Variants in CARS1 observed in about 807,000 individuals in gnomAD.
CARS1 encodes the protein cysteine--tRNA ligase, cytoplasmic.
A neutral mutation model predicts 106.2 loss-of-function variants in CARS1; 48 were observed. The observed-to-expected ratio is 0.45, with a 90% confidence interval of 0.36 to 0.57. CARS1 has a LOEUF of 0.57. CARS1 is among the 20% of genes least tolerant of loss of function. CARS1 has a pLI of 0.00. For missense variants in CARS1, 968 were observed against 1,057.2 expected (o/e 0.92, Z 1.17); for synonymous variants, 409 against 403.4 (o/e 1.01, Z -0.17).
chr11:3,032,545 A>G (rs966653764), intron 7 of CARS1, among the ~76,000 whole-genome samples: 1 of 152,144 alleles, frequency 6.6e-6, no homozygotes, highest in Non-Finnish European at 1.5e-5. Flanking sequence ...CCTGCTAGAG[A>G]ACTGACTGGT....
At position 3,041,022 on chromosome 11, in the gene CARS1, G is replaced by A; in HGVS notation, c.367-38C>T. 1 of 1,613,946 alleles carries A rather than the reference G, an allele frequency of 6.2e-7. No homozygotes were observed. Among genetic ancestry groups the A allele is most frequent in the Non-Finnish European group, 8.5e-7 (1 of 1,179,908 alleles). On this transcript the variant is annotated intron_variant, in intron 3 of 22. Coordinates refer to ENST00000380525, the MANE Select transcript of CARS1 (RefSeq NM_001014437.3). The surrounding 1 kb of genome is among the most constrained non-coding windows in gnomAD (Gnocchi z 4.9). ...TGAAGGAATGACGATCACAAGAAAT[G>A]CAAGAAACACTGCACAGGATTACCA...
In CARS1 at chr11:3,003,340, T is replaced by G. The variant is rs907100056; in HGVS notation, c.2218-740A>C. 6.6e-6 allele frequency among the ~76,000 whole-genome samples: 1 copy of G among 152,182 alleles called. No individual in the cohort carries two copies. The highest frequency in any genetic ancestry group is 1.5e-5 in the Non-Finnish European group (1 of 68,032). On this transcript the variant is annotated intron_variant, in intron 20 of 22. Transcript: ENST00000380525. This position sits in a 1 kb window ranked among gnomAD's most constrained non-coding sequence, Gnocchi z 4.8. ...AGGTTTCAGATGCTTCCCAGCCCAGTGGAGCTATCAGGTAGGCACGCCCTC... is the reference window on the plus strand; with the variant it reads ...AGGTTTCAGATGCTTCCCAGCCCAGGGGAGCTATCAGGTAGGCACGCCCTC...
chr11:3,055,278 A>AG (rs1197669300), intron 1 of CARS1, among the ~76,000 whole-genome samples: 2 of 152,112 alleles, frequency 1.3e-5, no homozygotes, highest in East Asian at 3.9e-4. Context: ...CTCCGGCCTC[A>AG]GCCTCCGAGT....
At position 3,003,971 on chromosome 11, in the gene CARS1, T is replaced by G. The variant is rs998592235; in HGVS notation, c.2218-1371A>C. ...GCCAGCACAAAGAGTGCAAGGCCTGTGAGGCTCTGGCCGGGCCACCCTGGC... is the reference window on the plus strand; with the variant it reads ...GCCAGCACAAAGAGTGCAAGGCCTGGGAGGCTCTGGCCGGGCCACCCTGGC... On this transcript the variant is annotated intron_variant, in intron 20 of 22. Transcript: ENST00000380525. This position sits in a 1 kb window ranked among gnomAD's most constrained non-coding sequence, Gnocchi z 4.8. Among the ~76,000 whole-genome samples the G allele has an allele frequency of 3.3e-5, 5 of 152,202 alleles. No homozygotes were observed. The highest frequency in any genetic ancestry group is 1.2e-4 in the African/African-American group (5 of 41,444).
chr11:3,019,051 C>T lies in CARS1; in HGVS notation c.1395+88G>A. 2 of 1,399,262 alleles carry T rather than the reference C, an allele frequency of 1.4e-6. No individual in the cohort carries two copies. The highest frequency in any genetic ancestry group is 2.4e-5 in the East Asian group (1 of 42,358). 86.7% of individuals were successfully genotyped at this position (1,399,262 alleles called of 1,614,324 possible). A position where few individuals can be genotyped will look rare whatever the true frequency, so the allele number is the denominator to read the frequency against. On this transcript the variant is annotated intron_variant, in intron 12 of 22. Coordinates refer to ENST00000380525, the MANE Select transcript of CARS1 (RefSeq NM_001014437.3). This position sits in a 1 kb window ranked among gnomAD's most constrained non-coding sequence, Gnocchi z 6.2. ...AGGTGTCAAGTTCTAGTGAGAGAGG[C>T]CCTTCTGAGGCCTGGGCTGACTTTT...
intron 17 of CARS1, among the ~76,000 whole-genome samples, chr11:3,013,136 C>A (rs1008607038): frequency 6.6e-6 from 1 of 151,666 alleles, no homozygotes; most frequent in Non-Finnish European, 1.5e-5. Flanking sequence ...GATCTGCCCG[C>A]CTTGGCCTCC....
rs1200608637 is a variant in CARS1, at chr11:3,045,802, G to C, written c.274+1951C>G. Among the ~76,000 whole-genome samples the C allele has an allele frequency of 6.6e-6, 1 of 152,220 alleles. No individual in the cohort carries two copies. Among genetic ancestry groups the C allele is most frequent in the African/African-American group, 2.4e-5 (1 of 41,460 alleles). ...GAAAGAGAGGGCGTTCCCACTCAGT[G>C]GGGGAAGCAGCTCTGATTGTCACAG... On this transcript the variant is annotated intron_variant, in intron 2 of 22. Transcript: ENST00000380525. This position sits in a 1 kb window ranked among gnomAD's most constrained non-coding sequence, Gnocchi z 5.6.
Position 3,039,584 on chromosome 11 carries a change from TC to T in CARS1, c.552+250del, listed in dbSNP as rs1161313928. On this transcript the variant is annotated intron_variant, in intron 5 of 22. Transcript: ENST00000380525. The surrounding 1 kb of genome is among the most constrained non-coding windows in gnomAD (Gnocchi z 5.6). Reference sequence around the variant, plus strand: ...TCGAAGTGCGTGCTGTGGGAGGCCTTCCTTCTGCAAAACACCCAGGGCTACC... The same window carrying T: ...TCGAAGTGCGTGCTGTGGGAGGCCTTCTTCTGCAAAACACCCAGGGCTACC... Among the ~76,000 whole-genome samples, 2 of 152,302 alleles carry T rather than the reference TC, an allele frequency of 1.3e-5. No homozygotes were observed. Among genetic ancestry groups the T allele is most frequent in the East Asian group, 3.9e-4 (2 of 5,180 alleles).
rs149798678 is a variant in CARS1, at chr11:3,019,391, C to T, written c.1267-124G>A. 77 of 1,113,086 alleles carry T rather than the reference C, an allele frequency of 6.9e-5. No individual in the cohort carries two copies. In the East Asian group the frequency reaches 1.3e-3, roughly 19 times the overall value. The allele number at this position is 1,113,086 out of a possible 1,614,324, so 69.0% of individuals were successfully genotyped here. On this transcript the variant is annotated intron_variant, in intron 11 of 22. Transcript: ENST00000380525. This position sits in a 1 kb window ranked among gnomAD's most constrained non-coding sequence, Gnocchi z 6.2. ...CTTTATTGGAACAAGCGTTAAATCC[C>T]GCACATGAAAAGACTAAGGGAAGGC...
intron 10 of CARS1, 52 bp downstream of exon 10, chr11:3,026,624 C>G (rs1392041998): frequency 3.7e-6 from 6 of 1,600,016 alleles, no homozygotes. Flanking sequence ...CAACACAACC[C>G]AGGCTGGGCC....
Position 3,028,758 on chromosome 11 carries a change from A to G in CARS1, c.1031+238T>C. 1.9e-6 allele frequency: 1 copy of G among 526,902 alleles called. No individual in the cohort carries two copies. Among genetic ancestry groups the G allele is most frequent in the Non-Finnish European group, 3.3e-6 (1 of 298,804 alleles). The allele number at this position is 526,902 out of a possible 1,614,324, so 32.6% of individuals were successfully genotyped here. On this transcript the variant is annotated intron_variant, in intron 9 of 22. Transcript: ENST00000380525. This position sits in a 1 kb window ranked among gnomAD's most constrained non-coding sequence, Gnocchi z 4.4. ...CCATGACTGATGGTCTTGGCTGCCG[A>G]GCTTCCCAGCAGATTCTGGGTTAGG...
intron 12 of CARS1, 88 bp from the exon 13 acceptor site, chr11:3,018,837 C>A: frequency 6.6e-7 from 1 of 1,513,294 alleles, no homozygotes; most frequent in Non-Finnish European, 8.9e-7. Context: ...CTTGTTGGTG[C>A]TGTCCACAGG....
chr11:3,011,852 G>C (rs1288091072), intron 18 of CARS1, among the ~76,000 whole-genome samples: 1 of 152,190 alleles, frequency 6.6e-6, no homozygotes, highest in Non-Finnish European at 1.5e-5. Flanking sequence ...GTGGTGACTG[G>C]GCTGGTCAGA....
At position 3,026,681 on chromosome 11, in the gene CARS1, C is replaced by T; in HGVS notation, c.1148G>A (p.Gly383Glu). Residue 383 changes from glycine (G) to glutamate (E), a missense_variant, in exon 10 of 23, where the codon GGG becomes GAG. Transcript: ENST00000380525. ...CTCAGGCATGCCCTCCTCACCTTCC[C>T]CTTCTTGAAGGGCTTTCTGATCTCC... is the stretch of plus-strand genomic sequence containing the variant. ...AVGDQKALQE[G>E]EGDLSISADR... 6.2e-7 allele frequency: 1 copy of T among 1,613,826 alleles called. No homozygotes were observed. The highest frequency in any genetic ancestry group is 8.5e-7 in the Non-Finnish European group (1 of 1,179,920).
Position 3,039,195 on chromosome 11 carries a change from T to C in CARS1, c.650A>G (p.Lys217Arg), listed in dbSNP as rs1854085986. 4 of 1,607,540 alleles carry C rather than the reference T, an allele frequency of 2.5e-6. No individual in the cohort carries two copies. Among genetic ancestry groups the C allele is most frequent in the Admixed American group, 1.7e-5 (1 of 59,928 alleles). The part of the protein sequence containing the change: ...QLLEDVQAAL[K>R]PFSVKLNETT... ...TAGAGCAGACAGCAAGAGGCCCACC[T>C]TCAGGGCGGCCTGAACATCCTCCAA... Residue 217 changes from lysine (K) to arginine (R), a missense_variant and splice_region_variant, in exon 6 of 23, where the codon AAG (lysine) becomes AGG (arginine). Lys to Arg is a conservative substitution (Grantham distance 26). Transcript: ENST00000380525. The surrounding 1 kb of genome is among the most constrained non-coding windows in gnomAD (Gnocchi z 5.6).
At position 3,046,634 on chromosome 11, in the gene CARS1, G is replaced by C. The variant is rs1379412591; in HGVS notation, c.274+1119C>G. Among the ~76,000 whole-genome samples, 2 of 152,142 alleles carry C rather than the reference G, an allele frequency of 1.3e-5. No individual in the cohort carries two copies. The highest frequency in any genetic ancestry group is 2.9e-5 in the Non-Finnish European group (2 of 68,002). On this transcript the variant is annotated intron_variant, in intron 2 of 22. Coordinates refer to ENST00000380525, the MANE Select transcript of CARS1 (RefSeq NM_001014437.3). The surrounding 1 kb of genome is among the most constrained non-coding windows in gnomAD (Gnocchi z 5.8). ...GAGGCCTGACCCACGGCAGAGGCGG[G>C]GGGGCATGTTCCCAATCCCAGGCCC...
chr11:3,022,746 C>T lies in CARS1; in HGVS notation c.1154-2414G>A, dbSNP rs929703413. 3.9e-5 allele frequency among the ~76,000 whole-genome samples: 6 copies of T among 152,190 alleles called. No homozygotes were observed. Among genetic ancestry groups the T allele is most frequent in the Admixed American group, 1.3e-4 (2 of 15,284 alleles). Reference sequence around the variant, plus strand: ...TAGGCCTTCCTGCCACGTGCCTTCCCGAGTGGTCTGCATGGCCCATCTGCC... The same window carrying T: ...TAGGCCTTCCTGCCACGTGCCTTCCTGAGTGGTCTGCATGGCCCATCTGCC... On this transcript the variant is annotated intron_variant, in intron 10 of 22. Transcript: ENST00000380525. The surrounding 1 kb of genome is among the most constrained non-coding windows in gnomAD (Gnocchi z 4.9).
At position 3,001,260 on chromosome 11, in the gene CARS1, G is replaced by A. The variant is rs555907079; in HGVS notation, c.2362-12C>T. The A allele has an allele frequency of 9.3e-6, 15 of 1,612,542 alleles. No individual in the cohort carries two copies. The African/African-American group carries it at 1.9e-4, about 20-fold the overall frequency. On this transcript the variant is annotated splice_polypyrimidine_tract_variant and intron_variant, in intron 22 of 22. Coordinates refer to ENST00000380525, the MANE Select transcript of CARS1 (RefSeq NM_001014437.3). ...TGTGTGGGCAGACCCTGAAAACCCA[G>A]AGCACAGCGGCTATTGGTCTCCTCT... is the stretch of plus-strand genomic sequence containing the variant.
intron 1 of CARS1, among the ~76,000 whole-genome samples, chr11:3,055,833 G>T (rs905147716): frequency 2.6e-5 from 4 of 152,184 alleles, no homozygotes; most frequent in Admixed American, 6.5e-5. Context: ...ACTGTTCTAC[G>T]TCCTTCCCAT....
Sources: allele counts gnomAD v4.1 joint callset (sites outside exome capture counted in the v4.1 genomes callset), GRCh38; gene constraint gnomAD v4.1.1; non-coding constraint Gnocchi (gnomAD v3.1); transcripts MANE v1.5; gene names NCBI Gene and HGNC (gene_info 2026-07-23, HGNC 2026-07-21).